MAPK10: variants seen among roughly 807,000 people sequenced by gnomAD.
The protein encoded by MAPK10 is JNK3 alpha protein kinase.
In MAPK10, 25 loss-of-function variants were observed where a neutral mutation model predicts 59.3. The ratio of observed to expected loss-of-function variants is 0.42; its 90% confidence interval spans 0.31 to 0.59. The LOEUF (loss-of-function observed/expected upper bound fraction) is 0.59, where lower values mean the gene tolerates loss of function less well. Ranked by LOEUF, MAPK10 falls within the 20% of genes least tolerant of loss-of-function variation. The pLI, the probability that MAPK10 is intolerant of heterozygous loss-of-function variation, is 0.15. For synonymous variants in MAPK10, 190 were observed against 200.5 expected (o/e 0.95, Z 0.44); for missense variants, 351 against 568.9 (o/e 0.62, Z 3.90).
intron 3 of MAPK10, among the ~76,000 whole-genome samples, chr4:86,172,580 G>T (rs572870092): frequency 1.3e-5 from 2 of 150,704 alleles, no homozygotes; most frequent in East Asian, 2.0e-4. Context: ...GTTGTGGGGT[G>T]GGGGGAGTGG....
chr4:86,200,438 TC>T (rs2082351696), intron 2 of MAPK10, among the ~76,000 whole-genome samples: 1 of 152,028 alleles, frequency 6.6e-6, no homozygotes, highest in African/African-American at 2.4e-5. Flanking sequence ...TTTATTGGGC[TC>T]TTTTTGCTCA....
chr4:86,025,042 A>G (rs1351979764), intron 13 of MAPK10: 1 of 152,682 alleles, frequency 6.5e-6, no homozygotes, highest in Non-Finnish European at 1.5e-5. Context: ...GTTCCTTGCT[A>G]TCCAGTGTGA....
chr4:86,405,757 A>AGC (rs1744286044), intron 1 of MAPK10, among the ~76,000 whole-genome samples: 1 of 152,214 alleles, frequency 6.6e-6, no homozygotes, highest in Non-Finnish European at 1.5e-5. Flanking sequence ...GATCACTTCT[A>AGC]GATTTCCTCA....
At chr4:86,230,833 T>C (rs1009644886) in intron 2 of MAPK10, among the ~76,000 whole-genome samples, 1 of 152,220 alleles carries the variant, frequency 6.6e-6, no homozygotes, top group African/African-American at 2.4e-5. Flanking sequence ...ATAGTAATTA[T>C]AAAGTCTCTG....
intron 1 of MAPK10, chr4:86,392,537 C>CT (rs1237657602): frequency 6.6e-6 from 1 of 151,632 alleles, no homozygotes; most frequent in South Asian, 2.1e-4. Context: ...CATCACAGTA[C>CT]TTTTTCCCTT....
upstream of MAPK10, chr4:86,453,539 A>G (rs1378915014): frequency 2.6e-5 from 4 of 151,894 alleles, no homozygotes; most frequent in South Asian, 2.1e-4. Flanking sequence ...TCCTAGGAAC[A>G]TAACTCTATT....
chr4:86,565,813 T>G (rs1049153642), intron 1 of MAPK10, among the ~76,000 whole-genome samples: 9 of 152,212 alleles, frequency 5.9e-5, no homozygotes, highest in African/African-American at 2.2e-4. Context: ...TTGTCCTTCC[T>G]CATCACGTTC....
chr4:86,587,178 A>T (rs1044800546), intron 1 of MAPK10, among the ~76,000 whole-genome samples: 2 of 152,236 alleles, frequency 1.3e-5, no homozygotes, highest in African/African-American at 2.4e-5. Flanking sequence ...AATGAGGAAG[A>T]TACTCAAAGA....
At chr4:86,347,646 A>G (rs1728947550) in intron 2 of MAPK10, among the ~76,000 whole-genome samples, 1 of 152,178 alleles carries the variant, frequency 6.6e-6, no homozygotes, top group Non-Finnish European at 1.5e-5. Flanking sequence ...GAGGCTGGTA[A>G]GTCCAAGATA....
At chr4:86,446,711 T>C (rs1750093671) in intron 1 of MAPK10, among the ~76,000 whole-genome samples, 1 of 152,190 alleles carries the variant, frequency 6.6e-6, no homozygotes, top group African/African-American at 2.4e-5. Flanking sequence ...ATATTTGCTA[T>C]TACTCTCCAT....
intron 1 of MAPK10, among the ~76,000 whole-genome samples, chr4:86,459,781 G>A (rs1400381439): frequency 6.6e-6 from 1 of 152,066 alleles, no homozygotes; most frequent in Non-Finnish European, 1.5e-5. Context: ...GTGGGAAGGG[G>A]GTGAGGGATA....
In MAPK10 at chr4:86,561,840, A is replaced by G. The variant is rs182824725; in HGVS notation, c.-263+32070T>C. On this transcript the variant is annotated intron_variant, in intron 1 of 4. Coordinates refer to the MAPK10 transcript ENST00000502302. The stretch of plus-strand genomic sequence containing the variant: ...AAAACAGACAATCTAGTTGGAAGAA[A>G]TATAAACTGTTTCTTCTTTTGCAAT... Among the ~76,000 whole-genome samples the G allele has an allele frequency of 6.6e-5, 10 of 152,318 alleles. No individual in the cohort carries two copies. The East Asian group carries it at 1.5e-3, about 23-fold the overall frequency.
chr4:86,022,888 G>T (rs1288467068), intron 13 of MAPK10, among the ~76,000 whole-genome samples: 1 of 152,008 alleles, frequency 6.6e-6, no homozygotes, highest in Non-Finnish European at 1.5e-5. Flanking sequence ...CTATGCTATG[G>T]TTTATCTTTT....
intron 1 of MAPK10, among the ~76,000 whole-genome samples, chr4:86,464,637 C>T (rs749920807): frequency 1.1e-4 from 17 of 152,186 alleles, no homozygotes; most frequent in East Asian, 3.9e-4. Context: ...CTGGCTAACA[C>T]GGCGAAACCC....
chr4:86,456,188 T>A (rs996893957), upstream of MAPK10, among the ~76,000 whole-genome samples: 1 of 152,106 alleles, frequency 6.6e-6, no homozygotes, highest in African/African-American at 2.4e-5. Context: ...TAGCTCTAAA[T>A]GCCTACATAA....
intron 1 of MAPK10, among the ~76,000 whole-genome samples, chr4:86,458,235 G>A (rs1377241824): frequency 6.6e-6 from 1 of 152,060 alleles, no homozygotes; most frequent in Non-Finnish European, 1.5e-5. Context: ...GGGAGGTGGA[G>A]GTTGCAGTGA....
intron 3 of MAPK10, among the ~76,000 whole-genome samples, chr4:86,190,584 T>C (rs1370682466): frequency 1.3e-5 from 2 of 152,206 alleles, no homozygotes; most frequent in African/African-American, 2.4e-5. Context: ...GTGGGATCAG[T>C]GGTGATATCC....
At chr4:86,155,864 G>A (rs1245794718) in intron 4 of MAPK10, among the ~76,000 whole-genome samples, 2 of 151,936 alleles carry the variant, frequency 1.3e-5, no homozygotes, top group Non-Finnish European at 2.9e-5. Flanking sequence ...ATTAAAATAA[G>A]AAAAATTTGA....
intron 12 of MAPK10, among the ~76,000 whole-genome samples, chr4:86,030,864 G>A (rs2038869162): frequency 6.6e-6 from 1 of 152,082 alleles, no homozygotes; most frequent in South Asian, 2.1e-4. Context: ...ATTTAGATTA[G>A]TAGATTAGAT....
Sources: allele counts gnomAD v4.1 joint callset (sites outside exome capture counted in the v4.1 genomes callset), GRCh38; gene constraint gnomAD v4.1.1; transcripts MANE v1.5; gene names NCBI Gene and HGNC (gene_info 2026-07-23, HGNC 2026-07-21).